Variants in RGS20 observed in about 807,000 individuals in gnomAD.
RGS20 encodes gz-selective GTPase-activating protein.
RGS20 carries 30 observed loss-of-function variants against 33.6 expected under a neutral mutation model. The ratio of observed to expected loss-of-function variants is 0.89; its 90% CI spans 0.67 to 1.21. The LOEUF (loss-of-function observed/expected upper bound fraction) is 1.21, where lower values mean the gene tolerates loss of function less well. Ranked by LOEUF, RGS20 falls within the 50% of genes most tolerant of loss-of-function variation. The pLI is 0.00. For missense variants in RGS20, 472 were observed against 502.4 expected (o/e 0.94, Z 0.58); for synonymous variants, 208 against 197.9 (o/e 1.05, Z -0.43).
At chr8:53,874,403 C>CGT (rs905300374) in intron 1 of RGS20, among the ~76,000 whole-genome samples, 2 of 115,622 alleles carry the variant, frequency 1.7e-5, no homozygotes, top group African/African-American at 7.9e-5. Flanking sequence ...TGTGTGTGTG[C>CGT]GCGCGCGTGT....
intron 2 of RGS20, among the ~76,000 whole-genome samples, chr8:53,888,011 T>C (rs999750566): frequency 6.6e-6 from 1 of 152,150 alleles, no homozygotes; most frequent in Admixed American, 6.5e-5. Context: ...TATTTTTCTC[T>C]ATTCATCTTT....
intron 4 of RGS20, among the ~76,000 whole-genome samples, chr8:53,947,645 A>G (rs1370804133): frequency 3.2e-5 from 3 of 93,834 alleles, no homozygotes; most frequent in Admixed American, 1.3e-4. Context: ...GATATAGTAC[A>G]TACATTTATA....
chr8:53,927,590 G>A (rs1813840499), intron 2 of RGS20, among the ~76,000 whole-genome samples: 1 of 152,086 alleles, frequency 6.6e-6, no homozygotes, highest in African/African-American at 2.4e-5. Context: ...TGAGCCCTAG[G>A]ACCATCAGGT....
intron 2 of RGS20, among the ~76,000 whole-genome samples, chr8:53,895,071 C>T (rs1812817305): frequency 6.6e-6 from 1 of 152,006 alleles, no homozygotes; most frequent in Non-Finnish European, 1.5e-5. Flanking sequence ...GCCATCGAGA[C>T]AAGAGATGGG....
rs1362973560 is a variant in RGS20, at chr8:53,875,447, AAAACC to A, written c.166-3807_166-3803del. Among the ~76,000 whole-genome samples the A allele has an allele frequency of 1.2e-3, 172 of 147,882 alleles. 1 individual carries two copies. The highest frequency in any genetic ancestry group is 2.5e-3 in the African/African-American group (99 of 39,320). On this transcript the variant is annotated intron_variant, in intron 1 of 5. Transcript: ENST00000297313. ...ACTCTGTCAAAAAAAAAAAAAAAAA[AAAACC>A]AAAAAAACCAAAAAAACTAAAAAAC...
chr8:53,892,040 C>T (rs1461424799), intron 2 of RGS20, among the ~76,000 whole-genome samples: 3 of 152,000 alleles, frequency 2.0e-5, no homozygotes, highest in Non-Finnish European at 4.4e-5. Context: ...TCCCTCCCCT[C>T]TCCCCACACC....
intron 5 of RGS20, among the ~76,000 whole-genome samples, chr8:53,957,918 G>A (rs527497378): frequency 7.9e-5 from 12 of 152,074 alleles, no homozygotes; most frequent in Non-Finnish European, 1.6e-4. Context: ...AGGCCGAGGC[G>A]GGCGGATAAC....
chr8:53,958,509 C>A lies in RGS20; in HGVS notation c.*51C>A. ...ATAAAATAATAAAAGAATTCATGGG[C>A]TACAACTAGCACAGGGAATTTAGAG... is the stretch of plus-strand genomic sequence containing the variant. On this transcript the variant is annotated 3_prime_UTR_variant, in exon 6 of 6. Transcript: ENST00000297313. 2 of 1,016,730 alleles carry A rather than the reference C, an allele frequency of 2.0e-6. No individual in the cohort carries two copies. The highest frequency in any genetic ancestry group is 2.6e-6 in the Non-Finnish European group (2 of 760,328). The allele number at this position is 1,016,730 out of a possible 1,614,324, so 63.0% of individuals were successfully genotyped here. A position where few individuals can be genotyped will look rare whatever the true frequency, so the allele number is the denominator to read the frequency against.
chr8:53,946,375 T>A (rs889866357), intron 3 of RGS20, among the ~76,000 whole-genome samples: 2 of 152,176 alleles, frequency 1.3e-5, no homozygotes, highest in Non-Finnish European at 2.9e-5. Flanking sequence ...TTTTTACTAT[T>A]TTCTAATGAA....
intron 1 of RGS20, among the ~76,000 whole-genome samples, chr8:53,874,367 G>GGTGTGTGTGTGTGT (rs138636662): frequency 6.8e-6 from 1 of 146,484 alleles, no homozygotes; most frequent in African/African-American, 2.5e-5. Flanking sequence ...AGCAATAAGG[G>GGTGTGTGTGTGTGT]GTGTGTGTGT....
chr8:53,872,830 T>A (rs1585871586), intron 1 of RGS20, among the ~76,000 whole-genome samples: 1 of 152,074 alleles, frequency 6.6e-6, no homozygotes, highest in South Asian at 2.1e-4. Context: ...TCAGCTCACA[T>A]CTTGAGGGTT....
chr8:53,945,843 C>T (rs953314923), intron 3 of RGS20, among the ~76,000 whole-genome samples: 2 of 151,430 alleles, frequency 1.3e-5, no homozygotes, highest in African/African-American at 2.4e-5. Context: ...GCTGAGATTG[C>T]GCCACAGCAC....
At chr8:53,928,823 CAA>C (rs879477520) in intron 2 of RGS20, among the ~76,000 whole-genome samples, 3 of 126,012 alleles carry the variant, frequency 2.4e-5, no homozygotes, top group Admixed American at 8.1e-5. Context: ...AACTCCGTCT[CAA>C]AAAAAAAAAA....
chr8:53,953,363 T>C (rs1814765695), intron 4 of RGS20, among the ~76,000 whole-genome samples: 1 of 152,060 alleles, frequency 6.6e-6, no homozygotes, highest in Non-Finnish European at 1.5e-5. Flanking sequence ...CTACAAAGAA[T>C]ACAAAAAGTT....
At chr8:53,883,920 T>C (rs1394021755) in intron 2 of RGS20, among the ~76,000 whole-genome samples, 1 of 149,632 alleles carries the variant, frequency 6.7e-6, no homozygotes, top group Non-Finnish European at 1.5e-5. Context: ...CACTCCAGCC[T>C]GGGCAACAAG....
At chr8:53,933,145 A>G (rs908558507) in intron 2 of RGS20, among the ~76,000 whole-genome samples, 3 of 152,226 alleles carry the variant, frequency 2.0e-5, no homozygotes, top group Admixed American at 2.0e-4. Flanking sequence ...AAATCCATGA[A>G]GATGAGGAAA....
In RGS20 at chr8:53,877,434, C is replaced by T. The variant is rs1368262618; in HGVS notation, c.166-1824C>T. ...GGCGGAGGCCGAGCACGCTTGGCGG[C>T]AGCTGAGCCTCCACCCCAAGCCCCA... is the stretch of plus-strand genomic sequence containing the variant. On this transcript the variant is annotated intron_variant, in intron 1 of 5. Coordinates refer to ENST00000297313, the MANE Select transcript of RGS20 (RefSeq NM_170587.4). This position sits in a 1 kb window ranked among gnomAD's most constrained non-coding sequence, Gnocchi z 5.7. Among the ~76,000 whole-genome samples the T allele has an allele frequency of 6.6e-6, 1 of 152,206 alleles. No individual in the cohort carries two copies. The highest frequency in any genetic ancestry group is 1.5e-5 in the Non-Finnish European group (1 of 68,034).
At chr8:53,943,449 T>C (rs1400488416) in intron 3 of RGS20, among the ~76,000 whole-genome samples, 1 of 152,182 alleles carries the variant, frequency 6.6e-6, no homozygotes, top group Non-Finnish European at 1.5e-5. Flanking sequence ...GTAAGTTTTC[T>C]CTTTATCACT....
chr8:53,866,995 G>A (rs1811936010), intron 1 of RGS20, among the ~76,000 whole-genome samples: 3 of 152,144 alleles, frequency 2.0e-5, no homozygotes, highest in Admixed American at 2.0e-4. Flanking sequence ...CCCAAACGTA[G>A]GCTCGGCTAG....
Sources: gnomAD v4.1 joint callset for allele counts (sites outside exome capture counted in the v4.1 genomes callset) on GRCh38, gnomAD v4.1.1 for gene constraint, Gnocchi (gnomAD v3.1) non-coding constraint, MANE v1.5 for transcripts, NCBI Gene and HGNC (gene_info 2026-07-23, HGNC 2026-07-21) for gene names.